SLC35E2B: variants seen among roughly 807,000 people sequenced by gnomAD.
SLC35E2B encodes solute carrier family 35, member E2B.
Under a neutral mutation model 32.4 loss-of-function variants are expected in SLC35E2B, and 18 were observed. The ratio of observed to expected loss-of-function variants is 0.56; its 90% CI spans 0.38 to 0.82. The LOEUF (loss-of-function observed/expected upper bound fraction) is 0.82, where lower values mean the gene tolerates loss of function less well. Among genes scored for constraint, SLC35E2B ranks in the 40% least tolerant of loss-of-function variants. The pLI is 0.00. For synonymous variants in SLC35E2B, 132 were observed against 209.1 expected (o/e 0.63, Z 3.18); for missense variants, 263 against 469.5 (o/e 0.56, Z 4.06).
At chr1:1,681,942 G>A (rs1270966518) in intron 2 of SLC35E2B, among the ~76,000 whole-genome samples, 19 of 134,962 alleles carry the variant, frequency 1.4e-4, no homozygotes, top group Non-Finnish European at 2.7e-4. Flanking sequence ...CCGAGATCGC[G>A]CCACTGCACT....
chr1:1,690,532 A>C (rs1644007181), intron 2 of SLC35E2B, among the ~76,000 whole-genome samples: 1 of 140,856 alleles, frequency 7.1e-6, no homozygotes, highest in Admixed American at 7.3e-5. Flanking sequence ...TGAGGTCAGG[A>C]GTTCGAGACC....
chr1:1,679,371 TGAG>T (rs1006125862), intron 2 of SLC35E2B, among the ~76,000 whole-genome samples: 9 of 152,080 alleles, frequency 5.9e-5, no homozygotes, highest in Admixed American at 2.0e-4. Flanking sequence ...CTCCCCGCAA[TGAG>T]GACCCCCATT....
At chr1:1,680,086 C>T (rs1454993761) in intron 2 of SLC35E2B, among the ~76,000 whole-genome samples, 7 of 151,812 alleles carry the variant, frequency 4.6e-5, no homozygotes, top group African/African-American at 9.7e-5. Context: ...GAGATCACAC[C>T]GTTGTACTCC....
Position 1,690,745 on chromosome 1 carries a change from GA to G in SLC35E2B, c.-148+230del, listed in dbSNP as rs753742294. 7.0e-4 allele frequency among the ~76,000 whole-genome samples: 29 copies of G among 41,670 alleles called. 1 individual carries two copies. The highest frequency in any genetic ancestry group is 9.9e-4 in the Non-Finnish European group (25 of 25,148). The allele number at this position is 41,670 out of a possible 152,430, so 27.3% of individuals were successfully genotyped here. On this transcript the variant is annotated intron_variant, in intron 2 of 9. Coordinates refer to ENST00000617444, the MANE Select transcript of SLC35E2B (RefSeq NM_001290264.2). ...GCAAGACTCCGTCTCAAAAAGTAAA[GA>G]AAAAAAAAAAACAAAACAACATATT... is the stretch of plus-strand genomic sequence containing the variant.
intron 9 of SLC35E2B, among the ~76,000 whole-genome samples, chr1:1,666,282 G>A (rs971162080): frequency 3.3e-5 from 5 of 152,210 alleles, no homozygotes; most frequent in East Asian, 1.9e-4. Flanking sequence ...CTGCTCCCTC[G>A]TCCCTTCTTT....
At position 1,665,536 on chromosome 1, in the gene SLC35E2B, T is replaced by A. The variant is rs962145805; in HGVS notation, c.*246A>T. On this transcript the variant is annotated 3_prime_UTR_variant, in exon 10 of 10. Transcript: ENST00000617444. ...GGAGCCTCAGAGGCTGTTTTCACAT[T>A]ACACGGGGATGGGCTCGGCGGACAC... 1 of 621,186 alleles carries A rather than the reference T, an allele frequency of 1.6e-6. No individual in the cohort carries two copies. The highest frequency in any genetic ancestry group is 2.7e-6 in the Non-Finnish European group (1 of 364,180). 38.5% of individuals were successfully genotyped at this position (621,186 alleles called of 1,614,324 possible). A position where few individuals can be genotyped will look rare whatever the true frequency, so the allele number is the denominator to read the frequency against.
At chr1:1,686,417 G>GTT (rs1643951956) in intron 2 of SLC35E2B, among the ~76,000 whole-genome samples, 1 of 149,478 alleles carries the variant, frequency 6.7e-6, no homozygotes, top group Admixed American at 6.8e-5. Flanking sequence ...ATTTCATCAT[G>GTT]TGAGTGAAGC....
At chr1:1,681,542 T>C (rs1643899708) in intron 2 of SLC35E2B, among the ~76,000 whole-genome samples, 1 of 151,360 alleles carries the variant, frequency 6.6e-6, no homozygotes, top group African/African-American at 2.4e-5. Flanking sequence ...ACTCTTACTC[T>C]GTCGCCCAGG....
At chr1:1,669,821 C>G in intron 7 of SLC35E2B, 85 bp from the exon 8 acceptor site, 1 of 1,360,200 alleles carries the variant, frequency 7.4e-7, no homozygotes, top group Non-Finnish European at 1.0e-6. Context: ...AACACCCAGG[C>G]ACCCCAGCCC....
At chr1:1,666,045 G>T (rs1054972373) in intron 9 of SLC35E2B, 26 bp from the exon 10 acceptor site, 7 of 1,542,264 alleles carry the variant, frequency 4.5e-6, no homozygotes, top group Non-Finnish European at 6.1e-6. Flanking sequence ...GAGGCAGCAG[G>T]GGCGCTCAGG....
At chr1:1,690,507 G>C (rs959687281) in intron 2 of SLC35E2B, among the ~76,000 whole-genome samples, 69 of 144,050 alleles carry the variant, frequency 4.8e-4, no homozygotes, top group African/African-American at 1.7e-3. Flanking sequence ...GGGAGGCCAA[G>C]GCGGGCAGAT....
At chr1:1,674,384 C>T (rs1643786570) in intron 5 of SLC35E2B, 1 of 152,230 alleles carries the variant, frequency 6.6e-6, no homozygotes, top group Non-Finnish European at 1.5e-5. Context: ...TCTGAATCCC[C>T]AGAGTTCCAA....
At chr1:1,679,481 A>G (rs1643881101) in intron 2 of SLC35E2B, among the ~76,000 whole-genome samples, 1 of 152,228 alleles carries the variant, frequency 6.6e-6, no homozygotes, top group African/African-American at 2.4e-5. Context: ...AGTGGAAACA[A>G]AAAAACAGAA....
At position 1,666,025 on chromosome 1, in the gene SLC35E2B, G is replaced by A. The variant is rs760298778; in HGVS notation, c.981-6C>T. 51 of 1,548,086 alleles carry A rather than the reference G, an allele frequency of 3.3e-5. No individual in the cohort carries two copies. Among genetic ancestry groups the A allele is most frequent in the Non-Finnish European group, 4.5e-5 (51 of 1,144,668 alleles). ...GTTTCACGGTGCTGGCGACGCTGCG[G>A]AGGCAAGGGGAGGCAGCAGGGGCGC... On this transcript the variant is annotated splice_polypyrimidine_tract_variant and splice_region_variant and intron_variant, in intron 9 of 9. Coordinates refer to ENST00000617444, the MANE Select transcript of SLC35E2B (RefSeq NM_001290264.2).
intron 5 of SLC35E2B, among the ~76,000 whole-genome samples, chr1:1,674,636 AAAAAAAAAAAC>A: frequency 6.6e-6 from 1 of 150,582 alleles, no homozygotes; most frequent in Non-Finnish European, 1.5e-5. Flanking sequence ...AAAAAAACAA[AAAAAAAAAAAC>A]AAAAAAAAAC....
At chr1:1,673,689 G>A (rs1223932112) in intron 5 of SLC35E2B, among the ~76,000 whole-genome samples, 1 of 150,694 alleles carries the variant, frequency 6.6e-6, no homozygotes, top group Non-Finnish European at 1.5e-5. Flanking sequence ...AGGGCCGGCT[G>A]TGGTGGCTAA....
chr1:1,678,980 G>A (rs777789137), intron 2 of SLC35E2B, among the ~76,000 whole-genome samples: 6 of 152,144 alleles, frequency 3.9e-5, no homozygotes, highest in Non-Finnish European at 7.4e-5. Flanking sequence ...ACAGGGCTCC[G>A]CAAGGCAGGG....
At position 1,675,431 on chromosome 1, in the gene SLC35E2B, G is replaced by C. The variant is rs201420170; in HGVS notation, c.586+32C>G. On this transcript the variant is annotated intron_variant, in intron 5 of 9. Transcript: ENST00000617444. The stretch of plus-strand genomic sequence containing the variant: ...GGATGGAGGCCTGGGATGGTGGGGC[G>C]CAGGCGGAGGGGCGGGGCCCGGGGG... 81 of 1,609,462 alleles carry C rather than the reference G, an allele frequency of 5.0e-5. 1 individual carries two copies. The highest frequency in any genetic ancestry group is 6.6e-5 in the Non-Finnish European group (78 of 1,178,124).
intron 2 of SLC35E2B, among the ~76,000 whole-genome samples, chr1:1,685,826 T>C (rs1161171956): frequency 6.6e-6 from 1 of 152,126 alleles, no homozygotes; most frequent in Non-Finnish European, 1.5e-5. Context: ...GTTCTAAACA[T>C]GCTTTTTTCC....
Sources: allele counts gnomAD v4.1 joint callset (sites outside exome capture counted in the v4.1 genomes callset), GRCh38; gene constraint gnomAD v4.1.1; transcripts MANE v1.5; gene names NCBI Gene and HGNC (gene_info 2026-07-23, HGNC 2026-07-21).